The following OPHN1 variants were observed in gnomAD, a reference collection of about 807,000 sequenced individuals.
The protein encoded by OPHN1 is oligophrenin-1.
OPHN1 carries 11 observed loss-of-function variants against 60.7 expected under a neutral mutation model. That is an observed-to-expected ratio of 0.18 (90% CI 0.11 to 0.30). The LOEUF is 0.30. Ranked by LOEUF, OPHN1 falls within the 10% of genes least tolerant of loss-of-function variation. The pLI, the probability that OPHN1 is intolerant of heterozygous loss-of-function variation, is 1.00. For synonymous variants in OPHN1, 226 were observed against 222.6 expected (o/e 1.02, Z -0.14); for missense variants, 449 against 611.0 (o/e 0.73, Z 2.80).
intron 18 of OPHN1, among the ~76,000 whole-genome samples, chrX:68,111,405 T>C (rs2077103407): frequency 8.9e-6 from 1 of 112,288 alleles, no homozygotes; most frequent in African/African-American, 3.2e-5. Context: ...TGGCAAGAAG[T>C]TGACCAGAAT....
At chrX:68,335,666 C>T (rs1305098795) in intron 2 of OPHN1, among the ~76,000 whole-genome samples, 1 of 111,848 alleles carries the variant, frequency 8.9e-6, no homozygotes, top group South Asian at 3.7e-4. Flanking sequence ...CGGTGGCTCA[C>T]GCCTGTAAAA....
intron 4 of OPHN1, 126 bp downstream of exon 4, chrX:68,282,930 T>G: frequency 1.9e-6 from 1 of 527,201 alleles, no homozygotes; most frequent in Non-Finnish European, 3.3e-6. Flanking sequence ...CCTAACTATT[T>G]TTATAGCACC....
intron 1 of OPHN1, 62 bp downstream of exon 1, chrX:68,433,106 G>C (rs1289665260): frequency 3.1e-6 from 3 of 983,227 alleles, no homozygotes; most frequent in East Asian, 3.4e-5. Context: ...TAGAGGGGAC[G>C]GACTGAGCGC....
chrX:68,111,764 G>GAA, intron 18 of OPHN1, 90 bp downstream of exon 18: 2 of 634,362 alleles, frequency 3.2e-6, no homozygotes, highest in Non-Finnish European at 2.7e-6. Context: ...GGCTGGGGCT[G>GAA]AAAGAGCTGA....
intron 15 of OPHN1, chrX:68,133,052 C>CAT (rs2147464537): frequency 2.0e-6 from 1 of 501,948 alleles, no homozygotes; most frequent in East Asian, 3.7e-5. Flanking sequence ...GTCCGCCCCA[C>CAT]TCGGCAGCAA....
At chrX:68,132,267 T>C (rs897986705) in intron 15 of OPHN1, among the ~76,000 whole-genome samples, 2 of 105,523 alleles carry the variant, frequency 1.9e-5, no homozygotes, top group East Asian at 3.0e-4. Flanking sequence ...TATTGCGGCA[T>C]TATTCACAAT....
chrX:68,353,874 T>C, intron 2 of OPHN1, among the ~76,000 whole-genome samples: 1 of 111,326 alleles, frequency 9.0e-6, no homozygotes, highest in African/African-American at 3.3e-5. Context: ...TATAATATTG[T>C]AAAAAGTTAG....
intron 3 of OPHN1, among the ~76,000 whole-genome samples, chrX:68,292,740 C>T (rs781072675): frequency 1.8e-4 from 20 of 111,240 alleles, no homozygotes; most frequent in Middle Eastern, 4.2e-3. Flanking sequence ...TAAAACCTGA[C>T]GGCCCAGATC....
chrX:68,082,893 A>T (rs1480593783), intron 19 of OPHN1, among the ~76,000 whole-genome samples: 2 of 110,684 alleles, frequency 1.8e-5, no homozygotes, highest in Non-Finnish European at 1.9e-5. Context: ...GTACACTGAA[A>T]ATGTGTTTTT....
At chrX:68,195,133 C>G in intron 12 of OPHN1, among the ~76,000 whole-genome samples, 1 of 111,225 alleles carries the variant, frequency 9.0e-6, no homozygotes, top group Non-Finnish European at 1.9e-5. Context: ...ACCATAGCTA[C>G]AGTTTTAGCT....
intron 5 of OPHN1, among the ~76,000 whole-genome samples, chrX:68,259,753 AG>A (rs2147562967): frequency 8.9e-6 from 1 of 111,737 alleles, no homozygotes; most frequent in Admixed American, 9.6e-5. Flanking sequence ...ATGCAAACCC[AG>A]GTAGTCTGGC....
At chrX:68,136,291 C>CTTTTTTTTTTTTTT (rs779712280) in intron 15 of OPHN1, among the ~76,000 whole-genome samples, 12 of 64,115 alleles carry the variant, frequency 1.9e-4, no homozygotes, top group African/African-American at 7.1e-4. Context: ...AATATCTTTT[C>CTTTTTTTTTTTTTT]TTTTTTTTTT....
At chrX:68,384,517 C>T (rs1463005699) in intron 2 of OPHN1, among the ~76,000 whole-genome samples, 1 of 111,592 alleles carries the variant, frequency 9.0e-6, no homozygotes, top group Non-Finnish European at 1.9e-5. Flanking sequence ...GTCAGGAGTT[C>T]GAGACCAGCC....
chrX:68,218,557 C>T (rs1276761026), intron 6 of OPHN1, among the ~76,000 whole-genome samples: 6 of 110,570 alleles, frequency 5.4e-5, no homozygotes, highest in African/African-American at 2.0e-4. Flanking sequence ...CAAAGGGAAG[C>T]CCATCAGACT....
intron 15 of OPHN1, chrX:68,133,201 A>T: frequency 1.3e-6 from 1 of 780,136 alleles, no homozygotes; most frequent in Non-Finnish European, 2.0e-6. Context: ...ACTCCTCAGC[A>T]CTCATAGCAC....
chrX:68,269,606 T>TAA (rs2077955084), intron 5 of OPHN1, among the ~76,000 whole-genome samples: 1 of 111,800 alleles, frequency 8.9e-6, no homozygotes, highest in Admixed American at 9.5e-5. Flanking sequence ...ATTAAAGACT[T>TAA]ACATGTTAGA....
chrX:68,412,685 T>G (rs2078775013), intron 2 of OPHN1, among the ~76,000 whole-genome samples: 1 of 111,542 alleles, frequency 9.0e-6, no homozygotes, highest in African/African-American at 3.3e-5. Context: ...TAAAAATTAT[T>G]TATCAGACTC....
chrX:68,135,646 T>G (rs1235479954), intron 15 of OPHN1, among the ~76,000 whole-genome samples: 7 of 112,269 alleles, frequency 6.2e-5, no homozygotes, highest in African/African-American at 2.3e-4. Context: ...TTCAATAACA[T>G]GGAACAAAAA....
At chrX:68,374,233 G>A (rs1177622495) in intron 2 of OPHN1, among the ~76,000 whole-genome samples, 3 of 109,283 alleles carry the variant, frequency 2.7e-5, no homozygotes, top group South Asian at 4.1e-4. Flanking sequence ...CCGCACGCAT[G>A]TAGTCCCAGC....
Sources: allele counts gnomAD v4.1 joint callset (sites outside exome capture counted in the v4.1 genomes callset), GRCh38; gene constraint gnomAD v4.1.1; transcripts MANE v1.5; gene names NCBI Gene and HGNC (gene_info 2026-07-23, HGNC 2026-07-21).